RPTOR: variants seen among roughly 807,000 people sequenced by gnomAD.
RPTOR encodes the protein regulatory-associated protein of mTOR.
A neutral mutation model predicts 169.9 loss-of-function variants in RPTOR; 21 were observed. The observed-to-expected ratio is 0.12, with a 90% CI of 0.09 to 0.18. RPTOR has a LOEUF of 0.18. Among genes scored for constraint, RPTOR ranks in the 10% least tolerant of loss-of-function variants. RPTOR has a pLI of 1.00. For missense variants in RPTOR, 1,133 were observed against 1,855.9 expected, an observed-to-expected ratio of 0.61 and a Z score of 7.16; for synonymous variants, 732 against 753.2, an observed-to-expected ratio of 0.97 and a Z score of 0.46.
At chr17:80,931,562 C>A (rs9899850) in intron 24 of RPTOR, among the ~76,000 whole-genome samples, 28,052 of 152,166 alleles carry the variant, frequency 0.18, 2,693 homozygotes, top group Admixed American at 0.22. Context: ...TCCTGTGCTG[C>A]TCCCCACAGA....
intron 1 of RPTOR, among the ~76,000 whole-genome samples, chr17:80,578,602 T>C (rs2064987024): frequency 6.6e-6 from 1 of 152,116 alleles, no homozygotes; most frequent in Non-Finnish European, 1.5e-5. Context: ...CAAGCGGATT[T>C]AGGTGGGGAA....
At chr17:80,736,856 C>T (rs545193904) in intron 5 of RPTOR, among the ~76,000 whole-genome samples, 39 of 152,312 alleles carry the variant, frequency 2.6e-4, no homozygotes, top group African/African-American at 8.4e-4. Flanking sequence ...ACGGACTCAC[C>T]GTCGTCATGG....
intron 7 of RPTOR, among the ~76,000 whole-genome samples, chr17:80,800,729 A>G (rs1393300473): frequency 6.6e-6 from 1 of 152,218 alleles, no homozygotes; most frequent in Non-Finnish European, 1.5e-5. Flanking sequence ...GAAACAAAGT[A>G]ATGCAACACT....
At chr17:80,862,957 C>T (rs775043049) in intron 13 of RPTOR, among the ~76,000 whole-genome samples, 20 of 152,214 alleles carry the variant, frequency 1.3e-4, no homozygotes, top group South Asian at 4.1e-4. Context: ...TGAGAAGGAT[C>T]GGAGCCCACT....
intron 6 of RPTOR, among the ~76,000 whole-genome samples, chr17:80,778,443 C>A (rs1441919912): frequency 6.6e-6 from 1 of 152,194 alleles, no homozygotes; most frequent in East Asian, 1.9e-4. Context: ...TTAGAAAAAT[C>A]ACAAAGAAAT....
chr17:80,631,920 C>T (rs1480108536), intron 2 of RPTOR, among the ~76,000 whole-genome samples: 1 of 152,214 alleles, frequency 6.6e-6, no homozygotes, highest in Non-Finnish European at 1.5e-5. Flanking sequence ...GCCTGGGCAA[C>T]AGAGTGAGAC....
rs528225387 is a variant in RPTOR at position 80,957,640 on chromosome 17, G to A, written c.3387G>A (p.Val1129=). Residue 1129 remains valine, a synonymous_variant, in exon 29 of 34, where the codon GTG becomes GTA. Transcript: ENST00000306801. The surrounding 1 kb of genome is among the most constrained non-coding windows in gnomAD (Gnocchi z 4.6). ...LPTTRGAGMV[V]DWEQETGLLM... ...TCTCTCCAGGAGCTGGGATGGTGGTGGACTGGGAGCAGGAGACCGGCCTCC... is the reference window on the plus strand; with the variant it reads ...TCTCTCCAGGAGCTGGGATGGTGGTAGACTGGGAGCAGGAGACCGGCCTCC... 3.9e-4 allele frequency: 634 copies of A among 1,614,126 alleles called. 9 individuals are homozygous for A. The South Asian group carries it at 6.4e-3, about 16-fold the overall frequency.
intron 20 of RPTOR, among the ~76,000 whole-genome samples, chr17:80,907,948 G>T (rs1321727419): frequency 6.6e-6 from 1 of 152,160 alleles, no homozygotes; most frequent in Non-Finnish European, 1.5e-5. Flanking sequence ...CCCTGAGGCC[G>T]CACGCTGTCG....
rs1210429518 is a variant in RPTOR, at chr17:80,851,074, A to G, written c.1315-4390A>G. On this transcript the variant is annotated intron_variant, in intron 11 of 33. Transcript: ENST00000306801. ...CTCCTGAGTAGCTGGAACTGCATGC[A>G]TGTGCCATCATGCCCGGCTCATTTT... Among the ~76,000 whole-genome samples, 4 of 152,286 alleles carry G rather than the reference A, an allele frequency of 2.6e-5. No homozygotes were observed. In the South Asian group the frequency reaches 6.2e-4, roughly 24 times the overall value.
chr17:80,750,746 G>A (rs954147082), intron 5 of RPTOR, among the ~76,000 whole-genome samples: 1 of 152,116 alleles, frequency 6.6e-6, no homozygotes, highest in African/African-American at 2.4e-5. Context: ...CAGAGCCCAG[G>A]AAATGGTTTT....
intron 12 of RPTOR, 61 bp downstream of exon 12, chr17:80,855,608 G>C (rs985474299): frequency 8.0e-7 from 1 of 1,247,388 alleles, no homozygotes; most frequent in Non-Finnish European, 1.2e-6. Context: ...TAGGCTCCGT[G>C]TTTCAGTCTG....
chr17:80,586,499 GA>G (rs1377384627), intron 1 of RPTOR, among the ~76,000 whole-genome samples: 2 of 152,152 alleles, frequency 1.3e-5, no homozygotes, highest in Non-Finnish European at 2.9e-5. Flanking sequence ...GAATTAAAAG[GA>G]AAAAAGCAGT....
chr17:80,878,607 A>T lies in RPTOR; in HGVS notation c.1510-1808A>T, dbSNP rs989708256. Reference sequence around the variant, plus strand: ...GTGACCCGCCTGTCTCAGCCTCCCAAAGTGCTGGGATTATAGGCATGAGCC... The same window carrying T: ...GTGACCCGCCTGTCTCAGCCTCCCATAGTGCTGGGATTATAGGCATGAGCC... On this transcript the variant is annotated intron_variant, in intron 13 of 33. Coordinates refer to ENST00000306801, the MANE Select transcript of RPTOR (RefSeq NM_020761.3). The surrounding 1 kb of genome is among the most constrained non-coding windows in gnomAD (Gnocchi z 4.1). Among the ~76,000 whole-genome samples, 1 of 151,928 alleles carries T rather than the reference A, an allele frequency of 6.6e-6. No individual in the cohort carries two copies. Among genetic ancestry groups the T allele is most frequent in the African/African-American group, 2.4e-5 (1 of 41,342 alleles).
chr17:80,846,080 A>T (rs2067726280), intron 10 of RPTOR, among the ~76,000 whole-genome samples: 1 of 152,104 alleles, frequency 6.6e-6, no homozygotes, highest in Non-Finnish European at 1.5e-5. Flanking sequence ...GCGTGTCCCC[A>T]GCCAGACTTG....
chr17:80,751,109 G>T (rs2143320171), intron 5 of RPTOR, among the ~76,000 whole-genome samples: 1 of 152,342 alleles, frequency 6.6e-6, no homozygotes, highest in African/African-American at 2.4e-5. Flanking sequence ...AACAAAGTTT[G>T]TCAGAGTCAG....
chr17:80,708,304 GT>G lies in RPTOR; in HGVS notation c.507+308del. 6.6e-6 allele frequency among the ~76,000 whole-genome samples: 1 copy of G among 152,304 alleles called. No individual in the cohort carries two copies. The highest frequency in any genetic ancestry group is 2.4e-5 in the African/African-American group (1 of 41,566). On this transcript the variant is annotated intron_variant, in intron 4 of 33. Transcript: ENST00000306801. This position sits in a 1 kb window ranked among gnomAD's most constrained non-coding sequence, Gnocchi z 4.2. Reference sequence around the variant, plus strand: ...AGACCTCGAGAGTGTCTGCCTTCTAGTTTGAAAAAATTGCACAATTTCTCAA... The same window carrying G: ...AGACCTCGAGAGTGTCTGCCTTCTAGTTGAAAAAATTGCACAATTTCTCAA...
chr17:80,723,335 G>T (rs1389322345), intron 4 of RPTOR, among the ~76,000 whole-genome samples: 1 of 151,152 alleles, frequency 6.6e-6, no homozygotes, highest in Non-Finnish European at 1.5e-5. Flanking sequence ...TGTTCTAATG[G>T]TGGTGCTGTA....
chr17:80,886,584 G>T (rs1354594163), intron 17 of RPTOR, among the ~76,000 whole-genome samples: 2 of 152,250 alleles, frequency 1.3e-5, no homozygotes, highest in Non-Finnish European at 2.9e-5. Flanking sequence ...AAAACGATAT[G>T]AAAATAGAGA....
intron 7 of RPTOR, among the ~76,000 whole-genome samples, chr17:80,797,410 A>T (rs56023581): frequency 6.6e-6 from 1 of 152,208 alleles, no homozygotes; most frequent in African/African-American, 2.4e-5. Flanking sequence ...GGTCTCCCAA[A>T]GTGCTGGGAT....
Sources: allele counts gnomAD v4.1 joint callset (sites outside exome capture counted in the v4.1 genomes callset), GRCh38; gene constraint gnomAD v4.1.1; non-coding constraint Gnocchi (gnomAD v3.1); transcripts MANE v1.5; gene names NCBI Gene and HGNC (gene_info 2026-07-23, HGNC 2026-07-21).